Variants in TAFA2 observed in about 807,000 individuals in gnomAD.
TAFA2 encodes the protein chemokine-like protein TAFA-2.
Under a neutral mutation model 18.8 loss-of-function variants are expected in TAFA2, and 7 were observed. The ratio of observed to expected loss-of-function variants is 0.37; its 90% confidence interval spans 0.21 to 0.70. TAFA2 has a LOEUF of 0.70. Ranked by LOEUF, TAFA2 falls within the 30% of genes least tolerant of loss-of-function variation. The pLI is 0.53. For synonymous variants in TAFA2, 60 were observed against 54.2 expected, an observed-to-expected ratio of 1.11 and a Z score of -0.47; for missense variants, 122 against 158.1, an observed-to-expected ratio of 0.77 and a Z score of 1.23.
At chr12:61,889,938 G>T (rs776107273) in intron 1 of TAFA2, among the ~76,000 whole-genome samples, 52 of 152,166 alleles carry the variant, frequency 3.4e-4, no homozygotes, top group Non-Finnish European at 7.1e-4. Context: ...GGCCCACAAT[G>T]ACTAGGATAA....
chr12:62,205,391 C>T (rs2062687755), intron 1 of TAFA2, among the ~76,000 whole-genome samples: 1 of 152,260 alleles, frequency 6.6e-6, no homozygotes, highest in South Asian at 2.1e-4. Flanking sequence ...AAATCTCACT[C>T]ATCCAGACTG....
chr12:62,059,995 G>A (rs1291393486), intron 1 of TAFA2, among the ~76,000 whole-genome samples: 2 of 152,086 alleles, frequency 1.3e-5, no homozygotes, highest in Non-Finnish European at 2.9e-5. Context: ...CATTGTTTCA[G>A]AACAATATTA....
At chr12:62,167,614 A>G (rs1215525193) in intron 1 of TAFA2, among the ~76,000 whole-genome samples, 1 of 152,230 alleles carries the variant, frequency 6.6e-6, no homozygotes, top group African/African-American at 2.4e-5. Flanking sequence ...TTATGACTTT[A>G]TAATACATTT....
intron 1 of TAFA2, among the ~76,000 whole-genome samples, chr12:62,126,171 C>A (rs574608104): frequency 6.6e-6 from 1 of 152,178 alleles, no homozygotes; most frequent in South Asian, 2.1e-4. Context: ...TATAAACATA[C>A]ATTGATTCTC....
intron 1 of TAFA2, among the ~76,000 whole-genome samples, chr12:61,870,313 A>G (rs1286410102): frequency 6.6e-6 from 1 of 152,192 alleles, no homozygotes; most frequent in Non-Finnish European, 1.5e-5. Flanking sequence ...CACTGGCCAC[A>G]GCATCCTAAC....
At chr12:62,020,525 A>C (rs1386361655) in intron 1 of TAFA2, among the ~76,000 whole-genome samples, 1 of 152,232 alleles carries the variant, frequency 6.6e-6, no homozygotes, top group African/African-American at 2.4e-5. Flanking sequence ...AATGTCAATT[A>C]GTTGTGTCAA....
intron 1 of TAFA2, among the ~76,000 whole-genome samples, chr12:62,019,901 CAATTT>C (rs1881072250): frequency 6.6e-6 from 1 of 151,762 alleles, no homozygotes; most frequent in Admixed American, 6.6e-5. Context: ...CTTAAGTTTC[CAATTT>C]AATTATTTTC....
chr12:62,224,082 T>TACACAC (rs144010764), intron 1 of TAFA2, among the ~76,000 whole-genome samples: 3,361 of 142,526 alleles, frequency 0.024, 106 homozygotes, highest in African/African-American at 0.074. Context: ...TATATGTGCA[T>TACACAC]ACACACACAC....
chr12:61,864,665 C>T (rs12581426), intron 2 of TAFA2, among the ~76,000 whole-genome samples: 16,011 of 148,508 alleles, frequency 0.11, 1,008 homozygotes, highest in East Asian at 0.19. Context: ...CCCAGCTATT[C>T]GGGAGACTGA....
intron 2 of TAFA2, among the ~76,000 whole-genome samples, chr12:61,800,794 C>T (rs2120969037): frequency 6.6e-6 from 1 of 152,202 alleles, no homozygotes; most frequent in East Asian, 1.9e-4. Flanking sequence ...AGGTAGACAA[C>T]TATGTCAAAT....
intron 1 of TAFA2, among the ~76,000 whole-genome samples, chr12:62,127,078 C>T (rs1218466236): frequency 6.6e-6 from 1 of 152,066 alleles, no homozygotes; most frequent in Admixed American, 6.6e-5. Flanking sequence ...AAGAAAGTAT[C>T]AGTCTATTAT....
intron 1 of TAFA2, chr12:61,879,946 A>T (rs975907966): frequency 1.1e-6 from 1 of 889,764 alleles, no homozygotes; most frequent in African/African-American, 1.6e-5. Flanking sequence ...AGAACAAGGT[A>T]GAGCTGGAGT....
At chr12:62,166,317 TAAC>T (rs2062439575) in intron 1 of TAFA2, among the ~76,000 whole-genome samples, 1 of 152,182 alleles carries the variant, frequency 6.6e-6, no homozygotes, top group Non-Finnish European at 1.5e-5. Flanking sequence ...CTGCTGGTGT[TAAC>T]ACAAAATAGC....
At chr12:61,781,369 A>T (rs1282144088) in intron 2 of TAFA2, among the ~76,000 whole-genome samples, 1 of 151,752 alleles carries the variant, frequency 6.6e-6, no homozygotes, top group East Asian at 1.9e-4. Flanking sequence ...AAGAAGTGGA[A>T]TCTGAGGTAT....
intron 1 of TAFA2, among the ~76,000 whole-genome samples, chr12:61,952,591 C>T (rs1056944089): frequency 6.6e-6 from 1 of 152,062 alleles, no homozygotes; most frequent in African/African-American, 2.4e-5. Flanking sequence ...ACCTTCAGAA[C>T]ACAGTACTTG....
At chr12:62,092,502 C>A (rs576652555) in intron 1 of TAFA2, among the ~76,000 whole-genome samples, 2 of 152,056 alleles carry the variant, frequency 1.3e-5, no homozygotes, top group Admixed American at 1.3e-4. Flanking sequence ...CCTTCATATT[C>A]CTTGACATGA....
At chr12:62,246,076 T>C (rs1259082407) in intron 1 of TAFA2, among the ~76,000 whole-genome samples, 4 of 151,260 alleles carry the variant, frequency 2.6e-5, no homozygotes, top group African/African-American at 9.8e-5. Context: ...AAGCTCCGCC[T>C]CCCAGGTTCA....
intron 1 of TAFA2, among the ~76,000 whole-genome samples, chr12:62,127,958 G>A (rs1870531844): frequency 6.6e-6 from 1 of 151,926 alleles, no homozygotes; most frequent in South Asian, 2.1e-4. Flanking sequence ...ACAGCACAGT[G>A]GGGAACACAT....
intron 3 of TAFA2, 109 bp downstream of exon 3, chr12:61,754,763 G>T: frequency 1.9e-6 from 2 of 1,057,646 alleles, no homozygotes; most frequent in Non-Finnish European, 2.7e-6. Context: ...CATGGTATTT[G>T]TAGTATGTTC....
Sources: gnomAD v4.1 joint callset for allele counts (sites outside exome capture counted in the v4.1 genomes callset) on GRCh38, gnomAD v4.1.1 for gene constraint, MANE v1.5 for transcripts, NCBI Gene and HGNC (gene_info 2026-07-23, HGNC 2026-07-21) for gene names.